The following EIF3H variants were observed in gnomAD, a reference collection of about 807,000 sequenced individuals.
EIF3H encodes the protein eIF-3-gamma.
Under a neutral mutation model 44.2 loss-of-function variants are expected in EIF3H, and 26 were observed. The ratio of observed to expected loss-of-function variants is 0.59; its 90% confidence interval spans 0.43 to 0.82. The LOEUF is 0.82. Among genes scored for constraint, EIF3H ranks in the 40% least tolerant of loss-of-function variants. The pLI, the probability that EIF3H is intolerant of heterozygous loss-of-function variation, is 0.00. For missense variants in EIF3H, 359 were observed against 432.8 expected (o/e 0.83, Z 1.51); for synonymous variants, 166 against 151.9 (o/e 1.09, Z -0.68).
At chr8:116,660,479 A>C (rs1340639880) in intron 2 of EIF3H, among the ~76,000 whole-genome samples, 1 of 152,200 alleles carries the variant, frequency 6.6e-6, no homozygotes, top group Admixed American at 6.5e-5. Flanking sequence ...TCTCATGCTA[A>C]AAGATGGCAG....
At chr8:116,703,980 G>A (rs1403015081) in intron 2 of EIF3H, among the ~76,000 whole-genome samples, 1 of 152,196 alleles carries the variant, frequency 6.6e-6, no homozygotes, top group African/African-American at 2.4e-5. Context: ...AGCACTCGTG[G>A]TTCTTAACAG....
intron 2 of EIF3H, among the ~76,000 whole-genome samples, chr8:116,686,013 T>C (rs1385840879): frequency 6.6e-6 from 1 of 152,130 alleles, no homozygotes; most frequent in Admixed American, 6.6e-5. Context: ...CTACTTCCAT[T>C]AGTACCCATG....
chr8:116,754,957 G>A (rs879502473), intron 1 of EIF3H, among the ~76,000 whole-genome samples: 2 of 152,120 alleles, frequency 1.3e-5, no homozygotes, highest in Non-Finnish European at 2.9e-5. Flanking sequence ...GGGCAGGAAG[G>A]ATACTTTTAA....
chr8:116,679,216 G>C (rs1813918246), intron 2 of EIF3H, among the ~76,000 whole-genome samples: 1 of 72,620 alleles, frequency 1.4e-5, no homozygotes, highest in Non-Finnish European at 3.3e-5. Context: ...GGGAGGTGAG[G>C]GGCGCCTCTG....
intron 2 of EIF3H, among the ~76,000 whole-genome samples, chr8:116,694,277 C>T (rs2130867037): frequency 6.6e-6 from 1 of 152,072 alleles, no homozygotes. Context: ...TGCTATAAAA[C>T]TTTTAATCTT....
intron 2 of EIF3H, among the ~76,000 whole-genome samples, chr8:116,700,462 G>A (rs1814354938): frequency 1.3e-5 from 2 of 151,240 alleles, no homozygotes; most frequent in Non-Finnish European, 2.9e-5. Context: ...TGTATTTTAT[G>A]TGTGTCCCAA....
chr8:116,684,180 CTA>C (rs1449426625), intron 2 of EIF3H, among the ~76,000 whole-genome samples: 1 of 152,164 alleles, frequency 6.6e-6, no homozygotes, highest in Non-Finnish European at 1.5e-5. Context: ...TGTCTTTGTT[CTA>C]TGTTTTAATC....
At chr8:116,759,529 TAAA>T (rs1255074458), upstream of EIF3H, among the ~76,000 whole-genome samples, 1 of 152,188 alleles carries the variant, frequency 6.6e-6, no homozygotes, top group Admixed American at 6.5e-5. Flanking sequence ...CTAAGACACT[TAAA>T]CCCCTTTCAA....
chr8:116,763,251 A>C (rs976657289), intron 1 of EIF3H, among the ~76,000 whole-genome samples: 2 of 152,204 alleles, frequency 1.3e-5, no homozygotes, highest in Non-Finnish European at 2.9e-5. Context: ...TCAATTTCGC[A>C]TAACAGAGTA....
At chr8:116,713,367 T>C (rs1294723375) in intron 2 of EIF3H, among the ~76,000 whole-genome samples, 1 of 152,132 alleles carries the variant, frequency 6.6e-6, no homozygotes, top group Non-Finnish European at 1.5e-5. Context: ...TTAATTTCTT[T>C]AAGCAGAAAA....
At chr8:116,731,035 A>G (rs1469337157) in intron 1 of EIF3H, among the ~76,000 whole-genome samples, 1 of 152,254 alleles carries the variant, frequency 6.6e-6, no homozygotes, top group East Asian at 1.9e-4. Context: ...AACTGAGTGC[A>G]CCAAATATGT....
Position 116,683,322 on chromosome 8 carries a change from C to T in EIF3H, c.290-24342G>A, listed in dbSNP as rs540614274. 9.8e-5 allele frequency among the ~76,000 whole-genome samples: 15 copies of T among 152,314 alleles called. No homozygotes were observed. The South Asian group carries it at 3.1e-3, about 32-fold the overall frequency. ...GAGGCTGGGAAGTCTAAGATCAAAG[C>T]TGCCAGCCAATTATACTCCTTGTAA... On this transcript the variant is annotated intron_variant, in intron 2 of 7. Transcript: ENST00000521861.
rs1341097288 is a variant in EIF3H at position 116,655,872 on chromosome 8, G to C, written c.691C>G (p.Leu231Val). ...KSAVADKHEL[L>V]SLASSNHLGK... ...GCCACTTACCTGCTGGCAAGGCTGA[G>C]CAATTCATGTTTATCTGCAACAGCT... Residue 231 changes from leucine (L) to valine (V), a missense_variant, in exon 5 of 8, where the codon CTC becomes GTC. This residue lies in a region of EIF3H where 30 missense variants were observed against 59.5 expected (regional missense o/e 0.50). Transcript: ENST00000521861. 3.7e-6 allele frequency: 6 copies of C among 1,613,630 alleles called. No individual in the cohort carries two copies. Among genetic ancestry groups the C allele is most frequent in the Non-Finnish European group, 5.1e-6 (6 of 1,179,754 alleles).
intron 6 of EIF3H, 102 bp downstream of exon 6, chr8:116,648,704 G>A (rs1813343952): frequency 7.2e-7 from 1 of 1,380,460 alleles, no homozygotes; most frequent in East Asian, 2.5e-5. Context: ...GTAGCTAACG[G>A]TCAATAATTT....
chr8:116,664,412 T>C (rs1365300912), intron 2 of EIF3H, among the ~76,000 whole-genome samples: 2 of 152,182 alleles, frequency 1.3e-5, no homozygotes, highest in African/African-American at 2.4e-5. Context: ...CAAACAACAG[T>C]ATGAGATTCA....
chr8:116,757,502 C>T (rs1815469510), upstream of EIF3H, among the ~76,000 whole-genome samples: 1 of 151,772 alleles, frequency 6.6e-6, no homozygotes. Context: ...AGACTTTGAA[C>T]ATCTTCTTTC....
chr8:116,704,686 G>C (rs1378612643), intron 2 of EIF3H, among the ~76,000 whole-genome samples: 1 of 152,162 alleles, frequency 6.6e-6, no homozygotes, highest in Non-Finnish European at 1.5e-5. Context: ...CTGCATAAAA[G>C]GGAAAACAAA....
intron 2 of EIF3H, among the ~76,000 whole-genome samples, chr8:116,696,252 G>A (rs1008297149): frequency 6.6e-6 from 1 of 152,182 alleles, no homozygotes; most frequent in African/African-American, 2.4e-5. Flanking sequence ...ATAATTGATG[G>A]AAACATTGCA....
chr8:116,653,963 G>A (rs1813441340), intron 5 of EIF3H, among the ~76,000 whole-genome samples: 1 of 152,180 alleles, frequency 6.6e-6, no homozygotes, highest in Admixed American at 6.5e-5. Context: ...TATTTCTGAT[G>A]GGGTTTCTTA....
Sources: gnomAD v4.1 joint callset for allele counts (sites outside exome capture counted in the v4.1 genomes callset) on GRCh38, gnomAD v4.1.1 for gene constraint, gnomAD v4.1.1 regional missense constraint, MANE v1.5 for transcripts, NCBI Gene and HGNC (gene_info 2026-07-23, HGNC 2026-07-21) for gene names.